Variants in TAFA5 observed in about 807,000 individuals in gnomAD.
The protein encoded by TAFA5 is chemokine-like protein TAFA-5.
A neutral mutation model predicts 15.3 loss-of-function variants in TAFA5; 6 were observed. The ratio of observed to expected loss-of-function variants is 0.39; its 90% CI spans 0.21 to 0.77. The LOEUF is 0.77. Among genes scored for constraint, TAFA5 ranks in the 30% least tolerant of loss-of-function variants. The pLI is 0.41. For synonymous variants in TAFA5, 103 were observed against 80.7 expected, an observed-to-expected ratio of 1.28 and a Z score of -1.48; for missense variants, 161 against 193.1, an observed-to-expected ratio of 0.83 and a Z score of 0.98.
chr22:48,741,873 G>T (rs1229136493), intron 3 of TAFA5, among the ~76,000 whole-genome samples: 2 of 152,256 alleles, frequency 1.3e-5, no homozygotes, highest in African/African-American at 2.4e-5. Flanking sequence ...ATGAACGCTT[G>T]TAGAAGCTGA....
intron 2 of TAFA5, among the ~76,000 whole-genome samples, chr22:48,683,045 G>T (rs1330470114): frequency 6.6e-6 from 1 of 152,126 alleles, no homozygotes; most frequent in Non-Finnish European, 1.5e-5. Flanking sequence ...CATGGAAACA[G>T]CTCCTTGCTT....
rs1199590725 is a variant in TAFA5 at position 48,560,586 on chromosome 22, T to A, written c.112+70882T>A. Among the ~76,000 whole-genome samples, 4 of 16,600 alleles carry A rather than the reference T, an allele frequency of 2.4e-4. No individual in the cohort carries two copies. The highest frequency in any genetic ancestry group is 1.3e-3 in the East Asian group (1 of 784). 10.9% of individuals were successfully genotyped at this position (16,600 alleles called of 152,430 possible). On this transcript the variant is annotated intron_variant, in intron 1 of 3. Transcript: ENST00000402357. The surrounding 1 kb of genome is among the most constrained non-coding windows in gnomAD (Gnocchi z 4.2). ...TTGTATTTTATTATTATTATTATTA[T>A]TATTATATTATTATTATTAATTATT...
At chr22:48,680,210 T>G (rs1018013484) in intron 2 of TAFA5, among the ~76,000 whole-genome samples, 2 of 152,228 alleles carry the variant, frequency 1.3e-5, no homozygotes, top group Non-Finnish European at 2.9e-5. Context: ...CCGGCCTGTC[T>G]TCTTTGCTGG....
chr22:48,583,748 C>T (rs1205718440), intron 1 of TAFA5, among the ~76,000 whole-genome samples: 1 of 152,034 alleles, frequency 6.6e-6, no homozygotes, highest in Admixed American at 6.5e-5. Context: ...ACAGACACCA[C>T]ACACACAGTA....
rs118105559 is a variant in TAFA5, at chr22:48,504,505, G to A, written c.112+14801G>A. 2.0e-5 allele frequency among the ~76,000 whole-genome samples: 3 copies of A among 151,612 alleles called. No homozygotes were observed. The East Asian group carries it at 5.8e-4, about 29-fold the overall frequency. On this transcript the variant is annotated intron_variant, in intron 1 of 3. Transcript: ENST00000402357. ...CTTTTCCTCCTGGGCAGTTGGGCTGGTGAGGCCGTGAGTCCGGGCACCTTG... is the reference window on the plus strand; with the variant it reads ...CTTTTCCTCCTGGGCAGTTGGGCTGATGAGGCCGTGAGTCCGGGCACCTTG...
In TAFA5 at chr22:48,531,379, G is replaced by A. The variant is rs945273386; in HGVS notation, c.112+41675G>A. On this transcript the variant is annotated intron_variant, in intron 1 of 3. Transcript: ENST00000402357. ...GCCTGTCCCCTTCCTGGAGCGGACAGTGAGAGGGGCTTTCTTGCAGACAAC... is the reference window on the plus strand; with the variant it reads ...GCCTGTCCCCTTCCTGGAGCGGACAATGAGAGGGGCTTTCTTGCAGACAAC... Among the ~76,000 whole-genome samples, 5 of 152,208 alleles carry A rather than the reference G, an allele frequency of 3.3e-5. No individual in the cohort carries two copies. The East Asian group carries it at 7.7e-4, about 23-fold the overall frequency.
At chr22:48,739,998 G>C (rs1489963447) in intron 3 of TAFA5, among the ~76,000 whole-genome samples, 1 of 152,188 alleles carries the variant, frequency 6.6e-6, no homozygotes, top group African/African-American at 2.4e-5. Flanking sequence ...GTGGGAGTCT[G>C]ATCGGTGTCC....
intron 1 of TAFA5, among the ~76,000 whole-genome samples, chr22:48,578,862 G>T (rs938973635): frequency 6.7e-6 from 1 of 149,810 alleles, no homozygotes; most frequent in South Asian, 2.2e-4. Context: ...GGTGCAGGGA[G>T]GGGGGTGGCC....
intron 3 of TAFA5, among the ~76,000 whole-genome samples, chr22:48,712,045 C>T (rs1929271251): frequency 6.6e-6 from 1 of 152,250 alleles, no homozygotes; most frequent in South Asian, 2.1e-4. Context: ...CATGCTGATG[C>T]TTGTGTTTCC....
In TAFA5 at chr22:48,560,214, G is replaced by A. The variant is rs143851315; in HGVS notation, c.112+70510G>A. Among the ~76,000 whole-genome samples the A allele has an allele frequency of 6.6e-6, 1 of 152,228 alleles. No individual in the cohort carries two copies. The highest frequency in any genetic ancestry group is 1.5e-5 in the Non-Finnish European group (1 of 68,040). On this transcript the variant is annotated intron_variant, in intron 1 of 3. Coordinates refer to ENST00000402357, the MANE Select transcript of TAFA5 (RefSeq NM_001082967.3). This position sits in a 1 kb window ranked among gnomAD's most constrained non-coding sequence, Gnocchi z 4.2. Reference sequence around the variant, plus strand: ...ACGGGAGCCTGTCAGTTTCTGGGCGGGGGTGTGATGTGGCTGAGGCGTCTG... The same window carrying A: ...ACGGGAGCCTGTCAGTTTCTGGGCGAGGGTGTGATGTGGCTGAGGCGTCTG...
chr22:48,724,359 G>A (rs540061821), intron 3 of TAFA5, among the ~76,000 whole-genome samples: 3 of 152,302 alleles, frequency 2.0e-5, no homozygotes, highest in East Asian at 1.9e-4. Context: ...GAGGAGGATT[G>A]GATGAGTGGG....
At chr22:48,545,520 C>T (rs890017268) in intron 1 of TAFA5, 2 of 154,412 alleles carry the variant, frequency 1.3e-5, no homozygotes, top group African/African-American at 2.4e-5. Context: ...CTGCCACTCA[C>T]AATCTCTTTG....
chr22:48,751,326 A>T lies in TAFA5; in HGVS notation c.*1479A>T, dbSNP rs1673112059. On this transcript the variant is annotated 3_prime_UTR_variant, in exon 4 of 4. Transcript: ENST00000402357. ...AGGTCCAGAAAGTCGCGCCGGGCAGAGGCGCAGGCGGGGCCGGCAGGGCCG... is the reference window on the plus strand; with the variant it reads ...AGGTCCAGAAAGTCGCGCCGGGCAGTGGCGCAGGCGGGGCCGGCAGGGCCG... 1 of 152,444 alleles carries T rather than the reference A, an allele frequency of 6.6e-6. No individual in the cohort carries two copies. Among genetic ancestry groups the T allele is most frequent in the Admixed American group, 6.5e-5 (1 of 15,284 alleles). 9.4% of individuals were successfully genotyped at this position (152,444 alleles called of 1,614,324 possible). A position where few individuals can be genotyped will look rare whatever the true frequency, so the allele number is the denominator to read the frequency against.
chr22:48,749,378 G>A (rs762807262), intron 3 of TAFA5, among the ~76,000 whole-genome samples: 5 of 152,222 alleles, frequency 3.3e-5, no homozygotes, highest in East Asian at 1.9e-4. Flanking sequence ...GGGTGGCTCC[G>A]TGGTGGGGGT....
chr22:48,547,589 C>T lies in TAFA5; in HGVS notation c.112+57885C>T, dbSNP rs545125659. On this transcript the variant is annotated intron_variant, in intron 1 of 3. Transcript: ENST00000402357. ...CAATAGTGACAGTAATGGGGAGAGC[C>T]GCTCGTGTTCAGGGGTGCTGCCTTA... is the stretch of plus-strand genomic sequence containing the variant. 1.6e-4 allele frequency among the ~76,000 whole-genome samples: 24 copies of T among 152,234 alleles called. No homozygotes were observed. The South Asian group carries it at 4.1e-3, about 26-fold the overall frequency.
chr22:48,582,753 CACACCACACACAAAAT>C (rs1924118664), intron 1 of TAFA5, among the ~76,000 whole-genome samples: 1 of 142,632 alleles, frequency 7.0e-6, no homozygotes, highest in Admixed American at 6.9e-5. Flanking sequence ...AAATACAGTA[CACACCACACACAAAAT>C]ACACCACACA....
In TAFA5 at chr22:48,552,702, G is replaced by C. The variant is rs1922898840; in HGVS notation, c.112+62998G>C. On this transcript the variant is annotated intron_variant, in intron 1 of 3. Transcript: ENST00000402357. This position sits in a 1 kb window ranked among gnomAD's most constrained non-coding sequence, Gnocchi z 4.1. ...TACTTGATTCATTGATTTTGTCAAG[G>C]GTCCGTTTATCATACTGACAACTGG... Among the ~76,000 whole-genome samples, 1 of 152,114 alleles carries C rather than the reference G, an allele frequency of 6.6e-6. No individual in the cohort carries two copies. The highest frequency in any genetic ancestry group is 1.5e-5 in the Non-Finnish European group (1 of 68,008).
At chr22:48,591,331 G>T (rs1924559233) in intron 1 of TAFA5, among the ~76,000 whole-genome samples, 1 of 152,194 alleles carries the variant, frequency 6.6e-6, no homozygotes, top group Non-Finnish European at 1.5e-5. Flanking sequence ...CCCTTGGGTG[G>T]AAACTGCCCT....
Position 48,530,853 on chromosome 22 carries a change from CAG to C in TAFA5, c.112+41150_112+41151del, listed in dbSNP as rs1335812939. Among the ~76,000 whole-genome samples, 1 of 152,152 alleles carries C rather than the reference CAG, an allele frequency of 6.6e-6. No homozygotes were observed. The highest frequency in any genetic ancestry group is 2.4e-5 in the African/African-American group (1 of 41,440). The stretch of plus-strand genomic sequence containing the variant: ...CGTGTGGCTATGGGCTTCGACAAAG[CAG>C]GGGAGAAATGTCCCTCGGGTTCCAA... On this transcript the variant is annotated intron_variant, in intron 1 of 3. Transcript: ENST00000402357. This position sits in a 1 kb window ranked among gnomAD's most constrained non-coding sequence, Gnocchi z 6.0.
Sources: gnomAD v4.1 joint callset for allele counts (sites outside exome capture counted in the v4.1 genomes callset) on GRCh38, gnomAD v4.1.1 for gene constraint, Gnocchi (gnomAD v3.1) non-coding constraint, MANE v1.5 for transcripts, NCBI Gene and HGNC (gene_info 2026-07-23, HGNC 2026-07-21) for gene names.